CD99: variants seen among roughly 807,000 people sequenced by gnomAD.
CD99 encodes the protein CD99 molecule (Xg blood group).
A neutral mutation model predicts 28.4 loss-of-function variants in CD99; 19 were observed. That is an observed-to-expected ratio of 0.67 (90% confidence interval 0.47 to 0.98). The LOEUF (loss-of-function observed/expected upper bound fraction) is 0.98, where lower values mean the gene tolerates loss of function less well. CD99 is among the 50% of genes least tolerant of loss of function. The probability of loss-of-function intolerance (pLI) is 0.00; values close to 1 mark genes in which losing one functional copy is unlikely to be tolerated. For synonymous variants in CD99, 103 were observed against 92.1 expected (o/e 1.12, Z -0.67); for missense variants, 283 against 248.8 (o/e 1.14, Z -0.92).
chrX:2,705,733 T>C (rs2048081574), intron 1 of CD99, among the ~76,000 whole-genome samples: 1 of 152,192 alleles, frequency 6.6e-6, no homozygotes, highest in Non-Finnish European at 1.5e-5. Flanking sequence ...TTGTGCCCTG[T>C]GACCGATCGT....
chrX:2,727,153 CA>C (rs2049334179), intron 8 of CD99: 1 of 686,462 alleles, frequency 1.5e-6, no homozygotes, highest in South Asian at 1.5e-5. Context: ...CAAAACAAAA[CA>C]AAAACCAGCA....
intron 1 of CD99, among the ~76,000 whole-genome samples, chrX:2,693,086 C>T (rs2047406923): frequency 6.6e-6 from 1 of 151,930 alleles, no homozygotes; most frequent in Non-Finnish European, 1.5e-5. Context: ...GAGTGGAAAG[C>T]CTTATATTCT....
intron 7 of CD99, among the ~76,000 whole-genome samples, chrX:2,724,014 G>A (rs1357118690): frequency 7.2e-6 from 1 of 138,100 alleles, no homozygotes; most frequent in African/African-American, 3.0e-5. Flanking sequence ...AGGAAGGAGG[G>A]AAGAAGGGAA....
intron 1 of CD99, among the ~76,000 whole-genome samples, chrX:2,696,984 A>C (rs904097028): frequency 6.6e-6 from 1 of 152,176 alleles, no homozygotes; most frequent in Non-Finnish European, 1.5e-5. Flanking sequence ...CTTCTCCCCC[A>C]GAGTCAGATT....
rs748055471 is a variant in CD99 at position 2,718,590 on chromosome X, C to T, written c.148+938C>T. ...TTCACCATGTTAGCCAGGATGGTCT[C>T]GATCTCCTGACCTTGTGATCCACGC... On this transcript the variant is annotated intron_variant, in intron 3 of 9. Coordinates refer to ENST00000381192, the MANE Select transcript of CD99 (RefSeq NM_002414.5). 5.3e-5 allele frequency among the ~76,000 whole-genome samples: 8 copies of T among 151,906 alleles called. No individual in the cohort carries two copies. The East Asian group carries it at 7.8e-4, about 15-fold the overall frequency.
intron 1 of CD99, among the ~76,000 whole-genome samples, chrX:2,713,081 T>C (rs2048504479): frequency 6.6e-6 from 1 of 150,570 alleles, no homozygotes; most frequent in African/African-American, 2.5e-5. Flanking sequence ...TATTGACACA[T>C]GCACACATGC....
chrX:2,736,447 C>T (rs2049945090), intron 8 of CD99, among the ~76,000 whole-genome samples: 1 of 152,090 alleles, frequency 6.6e-6, no homozygotes, highest in Non-Finnish European at 1.5e-5. Flanking sequence ...GCATCTCTTA[C>T]GCGTTTCCAA....
chrX:2,736,063 A>G (rs1057139000), intron 8 of CD99, among the ~76,000 whole-genome samples: 17 of 151,900 alleles, frequency 1.1e-4, no homozygotes, highest in South Asian at 2.1e-4. Context: ...TTAGCTGGGC[A>G]TGGTGGCGGG....
At chrX:2,722,451 G>T (rs2049039760) in intron 5 of CD99, 176 bp from the exon 6 acceptor site, 1 of 157,048 alleles carries the variant, frequency 6.4e-6, no homozygotes, top group Non-Finnish European at 1.4e-5. Flanking sequence ...CTCCCGAGTA[G>T]CTGGGATTAC....
intron 1 of CD99, among the ~76,000 whole-genome samples, chrX:2,701,149 A>G (rs2047841976): frequency 6.6e-6 from 1 of 151,192 alleles, no homozygotes; most frequent in Non-Finnish European, 1.5e-5. Context: ...CTACCCATCC[A>G]TCCACCCAGC....
At chrX:2,716,018 T>C (rs1281727399) in intron 2 of CD99, among the ~76,000 whole-genome samples, 1 of 125,684 alleles carries the variant, frequency 8.0e-6, no homozygotes, top group African/African-American at 4.8e-5. Context: ...CCCTCTTCAT[T>C]TTTTTTTTTT....
chrX:2,710,912 C>G (rs1268508223), intron 1 of CD99, among the ~76,000 whole-genome samples: 1 of 145,140 alleles, frequency 6.9e-6, no homozygotes, highest in Non-Finnish European at 1.5e-5. Flanking sequence ...CCTCTGTCAC[C>G]CAGGCTGGAG....
chrX:2,715,118 T>TC (rs1265329112), intron 2 of CD99: 2 of 152,256 alleles, frequency 1.3e-5, no homozygotes, highest in Non-Finnish European at 2.9e-5. Context: ...ACTCCTTCCT[T>TC]CTTCTGCAGC....
chrX:2,739,674 G>A (rs1012278772), intron 9 of CD99, among the ~76,000 whole-genome samples: 1 of 151,520 alleles, frequency 6.6e-6, no homozygotes, highest in Non-Finnish European at 1.5e-5. Context: ...GAGTGGTCTC[G>A]AACTCCTGAC....
Position 2,740,773 on chromosome X carries a change from C to A in CD99, c.533-6C>A, listed in dbSNP as rs1378707719. 3 of 1,613,794 alleles carry A rather than the reference C, an allele frequency of 1.9e-6. No homozygotes were observed. Reference sequence around the variant, plus strand: ...AATGACTTTCTTTTGTCTCTGTCTCCCACAGTTCAGCGTACTCTTTTAGAG... The same window carrying A: ...AATGACTTTCTTTTGTCTCTGTCTCACACAGTTCAGCGTACTCTTTTAGAG... On this transcript the variant is annotated splice_polypyrimidine_tract_variant and splice_region_variant and intron_variant, in intron 9 of 9. Transcript: ENST00000381192.
chrX:2,708,609 A>G (rs1314055132), intron 1 of CD99, among the ~76,000 whole-genome samples: 2 of 152,214 alleles, frequency 1.3e-5, no homozygotes, highest in Non-Finnish European at 2.9e-5. Context: ...CAGCACAGAG[A>G]TAAGAATGGA....
chrX:2,740,146 T>C (rs947864142), intron 9 of CD99, among the ~76,000 whole-genome samples: 2 of 152,000 alleles, frequency 1.3e-5, no homozygotes, highest in African/African-American at 4.8e-5. Context: ...GACTGCTCTT[T>C]CGAGTCAGGG....
intron 9 of CD99, among the ~76,000 whole-genome samples, chrX:2,738,774 T>G (rs760246954): frequency 6.6e-6 from 1 of 151,768 alleles, no homozygotes; most frequent in East Asian, 1.9e-4. Flanking sequence ...AGTTGGGAAG[T>G]CCACAGCTGG....
chrX:2,706,217 G>A (rs967563847), intron 1 of CD99, among the ~76,000 whole-genome samples: 2 of 152,018 alleles, frequency 1.3e-5, no homozygotes, highest in South Asian at 4.2e-4. Flanking sequence ...AAAATCAGCC[G>A]GGCGTGGTGG....
Sources: allele counts gnomAD v4.1 joint callset (sites outside exome capture counted in the v4.1 genomes callset), GRCh38; gene constraint gnomAD v4.1.1; transcripts MANE v1.5; gene names NCBI Gene and HGNC (gene_info 2026-07-23, HGNC 2026-07-21).